Variants in CCNH observed in about 807,000 individuals in gnomAD.
CCNH encodes the protein cyclin-H.
In CCNH, 31 loss-of-function variants were observed where a neutral mutation model predicts 41.9. The ratio of observed to expected loss-of-function variants is 0.74; its 90% CI spans 0.56 to 1.00. The LOEUF (loss-of-function observed/expected upper bound fraction) is 1.00. Ranked by LOEUF, CCNH falls within the 50% of genes least tolerant of loss-of-function variation. CCNH has a pLI of 0.00. For synonymous variants in CCNH, 138 were observed against 136.1 expected (o/e 1.01, Z -0.10); for missense variants, 362 against 388.4 (o/e 0.93, Z 0.57).
intron 9 of CCNH, chr5:87,349,202 T>A: frequency 6.2e-7 from 1 of 1,611,136 alleles, no homozygotes; most frequent in Non-Finnish European, 8.5e-7. Flanking sequence ...ACTAACAGCT[T>A]AATTCTTACA....
At chr5:87,317,183 G>C (rs985755436), downstream of CCNH, among the ~76,000 whole-genome samples, 1 of 152,030 alleles carries the variant, frequency 6.6e-6, no homozygotes, top group African/African-American at 2.4e-5. Context: ...GCGCCTGGCG[G>C]ATACCACAAA....
upstream of CCNH, among the ~76,000 whole-genome samples, chr5:87,379,354 A>G (rs1274327442): frequency 6.6e-6 from 1 of 152,170 alleles, no homozygotes; most frequent in Admixed American, 6.6e-5. Context: ...CTCTGCTGAC[A>G]CTAGATCAGA....
chr5:87,315,682 T>C (rs939818786), downstream of CCNH, among the ~76,000 whole-genome samples: 41 of 152,242 alleles, frequency 2.7e-4, no homozygotes, highest in African/African-American at 8.9e-4. Flanking sequence ...TGGGAGAGGG[T>C]TGAACAACTG....
At chr5:87,346,247 A>C (rs1256051547) in intron 9 of CCNH, among the ~76,000 whole-genome samples, 2 of 151,938 alleles carry the variant, frequency 1.3e-5, no homozygotes, top group Non-Finnish European at 2.9e-5. Context: ...CAATATCTTG[A>C]TTTTATTTGA....
chr5:87,333,955 A>G (rs770183310), intron 9 of CCNH, among the ~76,000 whole-genome samples: 7 of 152,216 alleles, frequency 4.6e-5, no homozygotes, highest in Non-Finnish European at 1.0e-4. Flanking sequence ...GGGATGAATT[A>G]CAAATTTATG....
intron 9 of CCNH, among the ~76,000 whole-genome samples, chr5:87,341,790 T>G (rs1456227359): frequency 2.0e-5 from 3 of 152,168 alleles, no homozygotes; most frequent in South Asian, 2.1e-4. Flanking sequence ...ATCTGAACCA[T>G]TAATCCCAAT....
downstream of CCNH, among the ~76,000 whole-genome samples, chr5:87,373,650 C>T (rs1761109967): frequency 6.6e-6 from 1 of 152,098 alleles, no homozygotes; most frequent in Non-Finnish European, 1.5e-5. Context: ...GGCATCCAAA[C>T]TAACAAATAA....
At chr5:87,337,911 G>A in intron 9 of CCNH, 1 of 1,480,872 alleles carries the variant, frequency 6.8e-7, no homozygotes. Context: ...TGTGGTATAT[G>A]ACTATTCTAA....
chr5:87,394,630 G>A, intron 8 of CCNH, 146 bp from the exon 9 acceptor site: 1 of 1,461,082 alleles, frequency 6.8e-7, no homozygotes, highest in Non-Finnish European at 9.1e-7. Flanking sequence ...ATAGTTCACT[G>A]TTAGTAATGT....
chr5:87,395,941 A>C (rs1419643643), intron 7 of CCNH, among the ~76,000 whole-genome samples: 1 of 151,928 alleles, frequency 6.6e-6, no homozygotes, highest in Admixed American at 6.6e-5. Flanking sequence ...AAACAATAGA[A>C]TATATCATAT....
chr5:87,378,128 C>T (rs895643407), upstream of CCNH, among the ~76,000 whole-genome samples: 2 of 152,134 alleles, frequency 1.3e-5, no homozygotes, highest in Non-Finnish European at 2.9e-5. Flanking sequence ...AGTCATATAA[C>T]AATTCTGAGT....
rs568535217 is a variant in CCNH, at chr5:87,408,122, C to T, written c.379G>A (p.Gly127Arg). Residue 127 changes from glycine (G) to arginine (R), a missense_variant, in exon 4 of 9, where the codon GGA becomes AGA. Transcript: ENST00000256897. ...EFNVSSPQFV[G>R]NLRESPLGQE... Reference sequence around the variant, plus strand: ...CCAAGAGGACTCTCCCGGAGGTTTCCAACAAACTGAGGACTAGATACATTG... The same window carrying T: ...CCAAGAGGACTCTCCCGGAGGTTTCTAACAAACTGAGGACTAGATACATTG... The T allele has an allele frequency of 8.2e-5, 125 of 1,529,738 alleles. 1 individual carries two copies. The South Asian group carries it at 1.3e-3, about 16-fold the overall frequency. The allele number at this position is 1,529,738 out of a possible 1,614,324, so 94.8% of individuals were successfully genotyped here.
downstream of CCNH, chr5:87,394,216 T>G (rs1762735683): frequency 1.7e-6 from 2 of 1,171,020 alleles, no homozygotes; most frequent in East Asian, 7.1e-5. Flanking sequence ...GAGTTGCAGC[T>G]TTAATTTGAT....
intron 4 of CCNH, among the ~76,000 whole-genome samples, chr5:87,407,450 T>C (rs1233438876): frequency 3.3e-5 from 5 of 152,192 alleles, no homozygotes; most frequent in African/African-American, 1.2e-4. Context: ...ACTTCTCTTT[T>C]AGAGCCAAAC....
chr5:87,377,030 A>G, exon 1 of CCNH: 1 of 1,613,744 alleles, frequency 6.2e-7, no homozygotes, highest in Non-Finnish European at 8.5e-7. Context: ...ACAGAGAAAT[A>G]AGCATGGAAG....
At chr5:87,405,029 G>A (rs749918100) in intron 4 of CCNH, 22 bp from the exon 5 acceptor site, 45 of 1,590,452 alleles carry the variant, frequency 2.8e-5, no homozygotes, top group Non-Finnish European at 3.8e-5. Flanking sequence ...GTTTGCAAAT[G>A]TTACCATTTC....
chr5:87,368,985 A>G (rs1441013203), intron 9 of CCNH, among the ~76,000 whole-genome samples: 1 of 152,178 alleles, frequency 6.6e-6, no homozygotes, highest in Admixed American at 6.5e-5. Flanking sequence ...CCTATTTTCC[A>G]TGATTACTTT....
At chr5:87,369,802 T>C (rs1159999316) in intron 9 of CCNH, 1 of 1,604,806 alleles carries the variant, frequency 6.2e-7, no homozygotes, top group South Asian at 1.1e-5. Flanking sequence ...ATTTTTGTTT[T>C]TATTTTAAAG....
downstream of CCNH, among the ~76,000 whole-genome samples, chr5:87,390,037 G>C (rs1277896651): frequency 6.6e-6 from 1 of 152,160 alleles, no homozygotes; most frequent in Non-Finnish European, 1.5e-5. Flanking sequence ...CGATGCAAGT[G>C]AACCATGGCC....
Sources: gnomAD v4.1 joint callset for allele counts (sites outside exome capture counted in the v4.1 genomes callset) on GRCh38, gnomAD v4.1.1 for gene constraint, MANE v1.5 for transcripts, NCBI Gene and HGNC (gene_info 2026-07-23, HGNC 2026-07-21) for gene names.